Variants in FAT3 observed in about 807,000 individuals in gnomAD.
The protein encoded by FAT3 is protocadherin Fat 3.
A neutral mutation model predicts 310.2 loss-of-function variants in FAT3; 95 were observed. That is an observed-to-expected ratio of 0.31 (90% CI 0.26 to 0.36). The LOEUF is 0.36. FAT3 is among the 10% of genes least tolerant of loss of function. FAT3 has a pLI of 1.00. For missense variants in FAT3, 5,408 were observed against 5,715.6 expected (o/e 0.95, Z 1.74); for synonymous variants, 2,314 against 2,192.9 (o/e 1.06, Z -1.54).
At chr11:92,457,220 G>T (rs1951515204) in intron 2 of FAT3, among the ~76,000 whole-genome samples, 1 of 152,142 alleles carries the variant, frequency 6.6e-6, no homozygotes, top group Admixed American at 6.6e-5. Context: ...GCCCTACGAG[G>T]TCAGAGAAGG....
chr11:92,578,383 T>C (rs1424535737), intron 3 of FAT3, among the ~76,000 whole-genome samples: 1 of 152,058 alleles, frequency 6.6e-6, no homozygotes, highest in Non-Finnish European at 1.5e-5. Flanking sequence ...GAAACACTAG[T>C]GTACTCCCTA....
intron 1 of FAT3, among the ~76,000 whole-genome samples, chr11:92,274,566 A>T (rs1404783954): frequency 6.6e-6 from 1 of 152,084 alleles, no homozygotes; most frequent in Non-Finnish European, 1.5e-5. Context: ...AGAATTTTCA[A>T]GTAATTAACC....
intron 3 of FAT3, among the ~76,000 whole-genome samples, chr11:92,565,988 G>T (rs2030450226): frequency 6.6e-6 from 1 of 152,150 alleles, no homozygotes. Context: ...AGACAGGGAT[G>T]CCCTCTCTCA....
At chr11:92,252,161 C>T (rs569095365) in intron 1 of FAT3, among the ~76,000 whole-genome samples, 1 of 152,264 alleles carries the variant, frequency 6.6e-6, no homozygotes, top group Admixed American at 6.5e-5. Context: ...GATGGAGCTT[C>T]TGCAGAGGTC....
At chr11:92,301,884 AAG>A (rs929511846) in intron 1 of FAT3, among the ~76,000 whole-genome samples, 11 of 152,032 alleles carry the variant, frequency 7.2e-5, no homozygotes, top group Admixed American at 2.6e-4. Context: ...CCTCTTTCCA[AAG>A]GGCTTTGAGG....
In FAT3 at chr11:92,591,002, A is replaced by G. The variant is rs16917883; in HGVS notation, c.3607+66054A>G. Among the ~76,000 whole-genome samples the G allele has an allele frequency of 5.5e-3, 843 of 152,240 alleles. 8 individuals are homozygous for G. The highest frequency in any genetic ancestry group is 0.019 in the African/African-American group (795 of 41,556). On this transcript the variant is annotated intron_variant, in intron 3 of 27. Transcript: ENST00000525166. ...GACAGACAATTCAAACACAAGCCTGATCAGTCTGACCTCTGTGTGTGTTCT... is the reference window on the plus strand; with the variant it reads ...GACAGACAATTCAAACACAAGCCTGGTCAGTCTGACCTCTGTGTGTGTTCT...
chr11:92,666,161 A>C (rs1488441431), intron 3 of FAT3, among the ~76,000 whole-genome samples: 1 of 152,116 alleles, frequency 6.6e-6, no homozygotes, highest in Non-Finnish European at 1.5e-5. Context: ...AAAGTGGCTC[A>C]AAAAAAGGGT....
intron 1 of FAT3, among the ~76,000 whole-genome samples, chr11:92,255,712 G>A (rs963920485): frequency 2.0e-5 from 3 of 152,150 alleles, no homozygotes; most frequent in Admixed American, 2.0e-4. Flanking sequence ...GGGGATAAGA[G>A]TAACACCTGC....
chr11:92,628,939 TTGAAA>T lies in FAT3; in HGVS notation c.3608-68441_3608-68437del, dbSNP rs532596047. Among the ~76,000 whole-genome samples, 383 of 152,320 alleles carry T rather than the reference TTGAAA, an allele frequency of 2.5e-3. 2 individuals carry two copies. Among genetic ancestry groups the T allele is most frequent in the African/African-American group, 8.8e-3 (364 of 41,588 alleles). ...ACACACACACTGCAGGACTTCTTCC[TTGAAA>T]TGACCCTATCACAGACTTTTTGAAG... On this transcript the variant is annotated intron_variant, in intron 3 of 27. Transcript: ENST00000525166.
chr11:92,831,387 C>G (rs1948244251), intron 13 of FAT3, among the ~76,000 whole-genome samples: 1 of 152,128 alleles, frequency 6.6e-6, no homozygotes, highest in African/African-American at 2.4e-5. Flanking sequence ...TTAAGAATAT[C>G]CAACTATTTC....
chr11:92,771,735 G>T (rs1946461178), intron 6 of FAT3, among the ~76,000 whole-genome samples: 1 of 147,244 alleles, frequency 6.8e-6, no homozygotes, highest in Non-Finnish European at 1.5e-5. Flanking sequence ...ATACATATAT[G>T]AACACACACA....
At chr11:92,433,536 C>A (rs966233367) in intron 2 of FAT3, among the ~76,000 whole-genome samples, 1 of 152,260 alleles carries the variant, frequency 6.6e-6, no homozygotes, top group Admixed American at 6.5e-5. Flanking sequence ...CCCCACCCTA[C>A]TTTTGCTCAC....
At chr11:92,356,689 C>T (rs1948740048) in intron 2 of FAT3, among the ~76,000 whole-genome samples, 1 of 152,104 alleles carries the variant, frequency 6.6e-6, no homozygotes, top group South Asian at 2.1e-4. Context: ...GACTCTATCT[C>T]TATATAGCAT....
chr11:92,819,343 G>T (rs974714098), intron 13 of FAT3, among the ~76,000 whole-genome samples: 1 of 152,198 alleles, frequency 6.6e-6, no homozygotes, highest in Non-Finnish European at 1.5e-5. Flanking sequence ...AAACTTCAGT[G>T]AGCATAAGAG....
chr11:92,569,312 G>A (rs138888547), intron 3 of FAT3, among the ~76,000 whole-genome samples: 10 of 152,282 alleles, frequency 6.6e-5, no homozygotes, highest in African/African-American at 1.9e-4. Context: ...TGATGTGGAA[G>A]TGCATGCAAA....
chr11:92,889,995 A>G (rs1243919259), intron 27 of FAT3, 104 bp downstream of exon 27: 3 of 716,626 alleles, frequency 4.2e-6, no homozygotes, highest in African/African-American at 1.7e-5. Flanking sequence ...TGAATTTTGC[A>G]TGTCTCAGGT....
At chr11:92,804,023 GC>G (rs1258177782) in intron 10 of FAT3, among the ~76,000 whole-genome samples, 2 of 152,146 alleles carry the variant, frequency 1.3e-5, no homozygotes, top group Admixed American at 1.3e-4. Context: ...CCCGATATTT[GC>G]CCTCTGCTTT....
chr11:92,810,312 C>T (rs1014105186), intron 13 of FAT3, among the ~76,000 whole-genome samples: 6 of 152,162 alleles, frequency 3.9e-5, no homozygotes, highest in Non-Finnish European at 7.3e-5. Context: ...AAGTCTTTTA[C>T]CTTTTAGCAA....
At chr11:92,881,053 A>C (rs1949661524) in intron 23 of FAT3, among the ~76,000 whole-genome samples, 169 bp downstream of exon 23, 1 of 152,174 alleles carries the variant, frequency 6.6e-6, no homozygotes, top group African/African-American at 2.4e-5. Flanking sequence ...TGTTAATAGG[A>C]ATTATCTCTG....
Sources: gnomAD v4.1 joint callset for allele counts (sites outside exome capture counted in the v4.1 genomes callset) on GRCh38, gnomAD v4.1.1 for gene constraint, MANE v1.5 for transcripts, NCBI Gene and HGNC (gene_info 2026-07-23, HGNC 2026-07-21) for gene names.